The following BMPR1B variants were observed in gnomAD, a reference collection of about 807,000 sequenced individuals.
BMPR1B encodes the protein bone morphogenetic protein receptor type-1B.
BMPR1B carries 12 observed loss-of-function variants against 59.1 expected under a neutral mutation model. The ratio of observed to expected loss-of-function variants is 0.20; its 90% CI spans 0.13 to 0.33. The LOEUF (loss-of-function observed/expected upper bound fraction) is 0.33, where lower values mean the gene tolerates loss of function less well. BMPR1B is among the 10% of genes least tolerant of loss of function. BMPR1B has a pLI of 1.00. For synonymous variants in BMPR1B, 237 were observed against 207.3 expected (o/e 1.14, Z -1.23); for missense variants, 550 against 610.9 (o/e 0.90, Z 1.05).
chr4:94,829,070 T>C (rs1299561824), intron 1 of BMPR1B, among the ~76,000 whole-genome samples: 1 of 151,862 alleles, frequency 6.6e-6, no homozygotes, highest in Admixed American at 6.6e-5. Context: ...AGTTTATGAT[T>C]CATGATTTAG....
At chr4:95,009,265 G>T (rs144026321) in intron 3 of BMPR1B, among the ~76,000 whole-genome samples, 10 of 152,196 alleles carry the variant, frequency 6.6e-5, no homozygotes, top group Admixed American at 2.6e-4. Context: ...CTACCCCTAG[G>T]TATATATCCT....
intron 1 of BMPR1B, among the ~76,000 whole-genome samples, chr4:94,843,396 A>T (rs936229921): frequency 7.2e-5 from 11 of 152,188 alleles, no homozygotes; most frequent in African/African-American, 2.7e-4. Context: ...CCAGAAGCTC[A>T]CATCTGTGCT....
intron 3 of BMPR1B, among the ~76,000 whole-genome samples, chr4:95,075,115 G>A (rs531665303): frequency 2.0e-5 from 3 of 152,206 alleles, no homozygotes; most frequent in South Asian, 2.1e-4. Flanking sequence ...AAGATTAAAT[G>A]TGTCTTTCTA....
intron 10 of BMPR1B, among the ~76,000 whole-genome samples, chr4:95,144,973 G>A (rs1220887472): frequency 2.6e-5 from 4 of 152,118 alleles, no homozygotes; most frequent in Admixed American, 2.6e-4. Flanking sequence ...ACATTTTCTA[G>A]TTCTGGATCC....
chr4:94,923,471 G>T (rs1031502278), intron 2 of BMPR1B, among the ~76,000 whole-genome samples: 6 of 152,106 alleles, frequency 3.9e-5, no homozygotes. Flanking sequence ...ATCTGGTTTA[G>T]AGACTACTCA....
At chr4:94,971,435 TGTA>T (rs1450121533) in intron 2 of BMPR1B, among the ~76,000 whole-genome samples, 1 of 152,150 alleles carries the variant, frequency 6.6e-6, no homozygotes, top group African/African-American at 2.4e-5. Context: ...GTCAGTTAAT[TGTA>T]GTGCTAAGTT....
At chr4:94,872,359 T>C (rs181840974) in intron 1 of BMPR1B, among the ~76,000 whole-genome samples, 1 of 152,324 alleles carries the variant, frequency 6.6e-6, no homozygotes, top group Non-Finnish European at 1.5e-5. Flanking sequence ...TCAAAGTCAC[T>C]TTTTAAACCC....
chr4:95,029,637 G>T (rs1342751643), intron 3 of BMPR1B, among the ~76,000 whole-genome samples: 3 of 152,072 alleles, frequency 2.0e-5, no homozygotes, highest in Admixed American at 2.0e-4. Context: ...CCCAGTAATG[G>T]GATGGCTGGG....
At chr4:94,761,456 T>A (rs1244827629) in intron 1 of BMPR1B, among the ~76,000 whole-genome samples, 1 of 127,622 alleles carries the variant, frequency 7.8e-6, no homozygotes. Context: ...TGTGTGTGTG[T>A]GTGTGTTGAA....
Position 94,841,826 on chromosome 4 carries a change from T to G in BMPR1B, c.-182-34005T>G, listed in dbSNP as rs1448279977. Among the ~76,000 whole-genome samples the G allele has an allele frequency of 2.0e-5, 3 of 152,230 alleles. No homozygotes were observed. In the East Asian group the frequency reaches 5.8e-4, roughly 29 times the overall value. On this transcript the variant is annotated intron_variant, in intron 1 of 12. Coordinates refer to ENST00000515059, the MANE Select transcript of BMPR1B (RefSeq NM_001203.3). ...TTGATGATAGTTAATCTGGTAATAA[T>G]GAAAATGAAAATATCTGTGAATAAA...
At chr4:95,071,511 A>T (rs1167000189) in intron 3 of BMPR1B, among the ~76,000 whole-genome samples, 2 of 151,892 alleles carry the variant, frequency 1.3e-5, no homozygotes, top group African/African-American at 4.8e-5. Flanking sequence ...TACACTAAGA[A>T]GATGTTAATG....
At chr4:94,947,553 A>T (rs1384883004) in intron 2 of BMPR1B, among the ~76,000 whole-genome samples, 2 of 152,168 alleles carry the variant, frequency 1.3e-5, no homozygotes, top group Non-Finnish European at 2.9e-5. Flanking sequence ...AAGCTGGAGT[A>T]CTTCTTTGCT....
At chr4:94,993,403 T>A (rs1362514599) in intron 2 of BMPR1B, among the ~76,000 whole-genome samples, 1 of 152,186 alleles carries the variant, frequency 6.6e-6, no homozygotes, top group Non-Finnish European at 1.5e-5. Context: ...TATGGTGCAT[T>A]ATCCTGGAGT....
intron 2 of BMPR1B, among the ~76,000 whole-genome samples, chr4:94,911,691 A>G (rs999031250): frequency 1.4e-4 from 21 of 152,202 alleles, no homozygotes; most frequent in Non-Finnish European, 1.3e-4. Context: ...GATAACTGAT[A>G]TCTCAAAGTT....
chr4:94,838,689 G>A (rs1307533638), intron 1 of BMPR1B, among the ~76,000 whole-genome samples: 1 of 139,068 alleles, frequency 7.2e-6, no homozygotes, highest in Non-Finnish European at 1.6e-5. Context: ...TATCAATTTT[G>A]TTGATCCTTT....
At position 95,112,989 on chromosome 4, in the gene BMPR1B, A is replaced by G. The variant is rs141201837; in HGVS notation, c.144-1731A>G. 3.1e-3 allele frequency among the ~76,000 whole-genome samples: 471 copies of G among 152,208 alleles called. 2 individuals carry two copies. Among genetic ancestry groups the G allele is most frequent in the African/African-American group, 0.01 (432 of 41,554 alleles). On this transcript the variant is annotated intron_variant, in intron 4 of 12. Coordinates refer to ENST00000515059, the MANE Select transcript of BMPR1B (RefSeq NM_001203.3). ...CTGATATCATAAAATTAGGATGACC[A>G]TATTTTCCGGTAATTTTTGAATTTT... is the stretch of plus-strand genomic sequence containing the variant.
At chr4:95,003,290 C>A (rs1430417275) in intron 3 of BMPR1B, among the ~76,000 whole-genome samples, 1 of 152,150 alleles carries the variant, frequency 6.6e-6, no homozygotes, top group South Asian at 2.1e-4. Context: ...TTTACTGAAT[C>A]GTTCTCCCCC....
intron 1 of BMPR1B, among the ~76,000 whole-genome samples, chr4:94,807,648 A>G (rs1256011143): frequency 2.0e-5 from 3 of 152,196 alleles, no homozygotes; most frequent in East Asian, 3.8e-4. Context: ...AGGTCCAGCA[A>G]TATGTTTAAT....
intron 1 of BMPR1B, among the ~76,000 whole-genome samples, chr4:94,796,667 G>T (rs1011204724): frequency 6.6e-6 from 1 of 151,670 alleles, no homozygotes; most frequent in Non-Finnish European, 1.5e-5. Context: ...GAGGTGTTTT[G>T]TGTGTGTGTG....
Sources: allele counts gnomAD v4.1 joint callset (sites outside exome capture counted in the v4.1 genomes callset), GRCh38; gene constraint gnomAD v4.1.1; transcripts MANE v1.5; gene names NCBI Gene and HGNC (gene_info 2026-07-23, HGNC 2026-07-21).